The following ASIC2 variants were observed in gnomAD, a reference collection of about 807,000 sequenced individuals.
The protein encoded by ASIC2 is acid-sensing ion channel 2.
Under a neutral mutation model 57.3 loss-of-function variants are expected in ASIC2, and 25 were observed. That is an observed-to-expected ratio of 0.44 (90% CI 0.32 to 0.61). The LOEUF is 0.61. Ranked by LOEUF, ASIC2 falls within the 20% of genes least tolerant of loss-of-function variation. The pLI is 0.06. For synonymous variants in ASIC2, 319 were observed against 307.5 expected, an observed-to-expected ratio of 1.04 and a Z score of -0.39; for missense variants, 641 against 738.1, an observed-to-expected ratio of 0.87 and a Z score of 1.52.
At chr17:33,060,930 A>T (rs1598258276) in intron 3 of ASIC2, among the ~76,000 whole-genome samples, 1 of 152,096 alleles carries the variant, frequency 6.6e-6, no homozygotes, top group South Asian at 2.1e-4. Flanking sequence ...GCAACTGTGA[A>T]TGGGAGTTCA....
chr17:33,967,811 T>TAGACAAGATG (rs1223079536), intron 1 of ASIC2, among the ~76,000 whole-genome samples: 1 of 152,036 alleles, frequency 6.6e-6, no homozygotes, highest in Non-Finnish European at 1.5e-5. Flanking sequence ...CCCCTGTGAG[T>TAGACAAGATG]AGACAAGATG....
At chr17:33,663,381 C>G (rs1361773548) in intron 1 of ASIC2, among the ~76,000 whole-genome samples, 1 of 151,892 alleles carries the variant, frequency 6.6e-6, no homozygotes, top group Non-Finnish European at 1.5e-5. Flanking sequence ...CTCAGTGGAT[C>G]CTAAAATGTT....
intron 1 of ASIC2, among the ~76,000 whole-genome samples, chr17:33,818,008 T>G (rs1346429442): frequency 6.6e-6 from 1 of 152,174 alleles, no homozygotes; most frequent in East Asian, 1.9e-4. Flanking sequence ...AAGGTATGTG[T>G]CTAAGACAGA....
At chr17:33,721,501 C>T (rs1369261030) in intron 1 of ASIC2, among the ~76,000 whole-genome samples, 1 of 152,208 alleles carries the variant, frequency 6.6e-6, no homozygotes, top group Non-Finnish European at 1.5e-5. Flanking sequence ...AAGGTGGCCT[C>T]ATAAAATGAT....
At chr17:33,227,515 G>A (rs319748) in intron 1 of ASIC2, among the ~76,000 whole-genome samples, 93,374 of 151,858 alleles carry the variant, frequency 0.61, 30,169 homozygotes, top group Non-Finnish European at 0.73. Flanking sequence ...GGACAAAGGA[G>A]AGTGAGGAAC....
chr17:33,944,815 G>A (rs75115260), intron 1 of ASIC2, among the ~76,000 whole-genome samples: 6,946 of 152,242 alleles, frequency 0.046, 565 homozygotes, highest in African/African-American at 0.16. Flanking sequence ...GCCATGATCC[G>A]TGCCTCCAGA....
chr17:33,969,957 C>A (rs536134909), intron 1 of ASIC2, among the ~76,000 whole-genome samples: 1 of 152,150 alleles, frequency 6.6e-6, no homozygotes, highest in Non-Finnish European at 1.5e-5. Flanking sequence ...AAGGCCCACT[C>A]ATGGTCCAAG....
At chr17:34,123,190 T>C (rs1598037724) in intron 1 of ASIC2, among the ~76,000 whole-genome samples, 1 of 152,042 alleles carries the variant, frequency 6.6e-6, no homozygotes, top group East Asian at 1.9e-4. Flanking sequence ...GACAATCTGG[T>C]CTATTAAGAT....
chr17:33,189,870 A>C (rs1397142476), intron 1 of ASIC2, among the ~76,000 whole-genome samples: 2 of 152,194 alleles, frequency 1.3e-5, no homozygotes, highest in African/African-American at 4.8e-5. Flanking sequence ...CCCTTTCTCA[A>C]CAATGTTTAT....
At chr17:33,827,244 C>A (rs768665484) in intron 1 of ASIC2, among the ~76,000 whole-genome samples, 5 of 151,724 alleles carry the variant, frequency 3.3e-5, no homozygotes, top group African/African-American at 4.8e-5. Flanking sequence ...GCTTCTCACA[C>A]AAGGAACATT....
chr17:33,960,265 G>C (rs1904876905), intron 1 of ASIC2, among the ~76,000 whole-genome samples: 1 of 152,212 alleles, frequency 6.6e-6, no homozygotes, highest in Non-Finnish European at 1.5e-5. Context: ...AGCCAACACA[G>C]AGGATACCAG....
chr17:33,425,130 A>G (rs1911173651), intron 1 of ASIC2, among the ~76,000 whole-genome samples: 1 of 152,230 alleles, frequency 6.6e-6, no homozygotes, highest in South Asian at 2.1e-4. Flanking sequence ...AGATGAAACA[A>G]CTTTTCCAAG....
At chr17:33,146,061 G>T (rs1305351688) in intron 1 of ASIC2, among the ~76,000 whole-genome samples, 2 of 152,214 alleles carry the variant, frequency 1.3e-5, no homozygotes, top group African/African-American at 4.8e-5. Context: ...CACTTGAGCA[G>T]ATTCTAATTT....
At chr17:33,705,901 C>T (rs1246142884) in intron 1 of ASIC2, among the ~76,000 whole-genome samples, 1 of 152,096 alleles carries the variant, frequency 6.6e-6, no homozygotes, top group Non-Finnish European at 1.5e-5. Context: ...TTTCAAGCCC[C>T]TAGTTTTGTT....
At chr17:33,495,600 G>C (rs1342567126) in intron 1 of ASIC2, among the ~76,000 whole-genome samples, 2 of 152,176 alleles carry the variant, frequency 1.3e-5, no homozygotes, top group Non-Finnish European at 2.9e-5. Flanking sequence ...GGCCGTTCCT[G>C]CTTCAATCCC....
chr17:33,299,361 A>T (rs555499417), intron 1 of ASIC2, among the ~76,000 whole-genome samples: 1 of 152,308 alleles, frequency 6.6e-6, no homozygotes, highest in African/African-American at 2.4e-5. Flanking sequence ...AGGAGTCATG[A>T]TGGGGACACC....
chr17:34,128,986 C>T (rs1911873162), intron 1 of ASIC2, among the ~76,000 whole-genome samples: 1 of 152,052 alleles, frequency 6.6e-6, no homozygotes, highest in African/African-American at 2.4e-5. Context: ...CTCCTGGGCT[C>T]CACAGCAGAG....
chr17:34,097,960 A>G (rs1051911999), intron 1 of ASIC2, among the ~76,000 whole-genome samples: 5 of 152,156 alleles, frequency 3.3e-5, no homozygotes, highest in Admixed American at 1.3e-4. Context: ...GTAAATTTCA[A>G]AGGATACATA....
chr17:33,625,936 C>T (rs1905970171), intron 1 of ASIC2, among the ~76,000 whole-genome samples: 2 of 152,300 alleles, frequency 1.3e-5, no homozygotes, highest in East Asian at 1.9e-4. Flanking sequence ...CAACCAACCT[C>T]CTCTTAGATC....
Sources: allele counts gnomAD v4.1 joint callset (sites outside exome capture counted in the v4.1 genomes callset), GRCh38; gene constraint gnomAD v4.1.1; transcripts MANE v1.5; gene names NCBI Gene and HGNC (gene_info 2026-07-23, HGNC 2026-07-21).